CUBN: variants seen among roughly 807,000 people sequenced by gnomAD.
CUBN encodes the protein 460 kDa receptor.
In CUBN, 282 loss-of-function variants were observed where a neutral mutation model predicts 405.3. That is an observed-to-expected ratio of 0.70 (90% CI 0.63 to 0.77). The LOEUF (loss-of-function observed/expected upper bound fraction) is 0.77. CUBN is among the 30% of genes least tolerant of loss of function. The probability of loss-of-function intolerance (pLI) is 0.00; values close to 1 mark genes in which losing one functional copy is unlikely to be tolerated. For missense variants in CUBN, 4,514 were observed against 4,475.2 expected, an observed-to-expected ratio of 1.01 and a Z score of -0.25; for synonymous variants, 1,684 against 1,617.0, an observed-to-expected ratio of 1.04 and a Z score of -0.99.
chr10:17,027,418 C>T (rs372639533), intron 27 of CUBN, among the ~76,000 whole-genome samples: 1 of 151,782 alleles, frequency 6.6e-6, no homozygotes, highest in East Asian at 1.9e-4. Context: ...TAATCTCCTT[C>T]GAATATTAAA....
intron 56 of CUBN, among the ~76,000 whole-genome samples, chr10:16,882,692 T>C (rs1173071524): frequency 6.6e-6 from 1 of 152,140 alleles, no homozygotes; most frequent in African/African-American, 2.4e-5. Flanking sequence ...ATGTTGTAGA[T>C]AAGATCAAGT....
chr10:17,071,482 TGAG>T lies in CUBN; in HGVS notation c.2566_2568del (p.Leu856del). The stretch of plus-strand genomic sequence containing the variant: ...CTTCCAATTTCAAAGACAGTGAAGT[TGAG>T]GAGAATGACTTGGCTTTGGGGCTGG... On this transcript the variant is annotated inframe_deletion, in exon 19 of 67. Coordinates refer to ENST00000377833, the MANE Select transcript of CUBN (RefSeq NM_001081.4). 6.2e-7 allele frequency: 1 copy of T among 1,614,018 alleles called. No homozygotes were observed. Among genetic ancestry groups the T allele is most frequent in the Non-Finnish European group, 8.5e-7 (1 of 1,179,950 alleles).
intron 32 of CUBN, among the ~76,000 whole-genome samples, chr10:16,953,772 G>C (rs1842978670): frequency 6.6e-6 from 1 of 151,986 alleles, no homozygotes; most frequent in African/African-American, 2.4e-5. Flanking sequence ...GATTGCCTGA[G>C]CCTGGGAGGT....
intron 15 of CUBN, among the ~76,000 whole-genome samples, chr10:17,087,506 C>T (rs1458309681): frequency 2.1e-5 from 2 of 96,478 alleles, no homozygotes; most frequent in African/African-American, 8.0e-5. Context: ...GACAGAGCCT[C>T]ACTCTGTCAC....
At chr10:16,900,871 T>C (rs756191894) in intron 52 of CUBN, 21 bp from the exon 53 acceptor site, 1 of 1,515,630 alleles carries the variant, frequency 6.6e-7, no homozygotes, top group Admixed American at 1.8e-5. Context: ...AAAAAGAAAA[T>C]GGTTGTCAGT....
chr10:16,835,161 G>T lies in CUBN; in HGVS notation c.10215C>A (p.Asn3405Lys), dbSNP rs373977491. Residue 3405 changes from asparagine to lysine, a missense_variant, in exon 64 of 67, where the codon AAC becomes AAA. Asn to Lys is a moderately conservative substitution (Grantham distance 94). Coordinates refer to ENST00000377833, the MANE Select transcript of CUBN (RefSeq NM_001081.4). ...CNRDYHKAFG[N>K]LRSPGWPDNY... ...TATCTGGCCATCCAGGGCTTCTCAG[G>T]TTGCCAAATGCCTTGTGATAGTCTC... 2.5e-6 allele frequency: 4 copies of T among 1,613,982 alleles called. No homozygotes were observed. Among genetic ancestry groups the T allele is most frequent in the Non-Finnish European group, 2.5e-6 (3 of 1,180,006 alleles).
intron 17 of CUBN, among the ~76,000 whole-genome samples, chr10:17,072,371 A>C (rs907620123): frequency 6.6e-6 from 1 of 152,172 alleles, no homozygotes; most frequent in Admixed American, 6.5e-5. Flanking sequence ...CATTGAAAGA[A>C]AAAAGGAAAA....
At chr10:17,124,021 C>T (rs1002247239) in intron 4 of CUBN, among the ~76,000 whole-genome samples, 1 of 152,152 alleles carries the variant, frequency 6.6e-6, no homozygotes, top group African/African-American at 2.4e-5. Context: ...GTAAAGGTTT[C>T]AGGTGTGGAA....
intron 7 of CUBN, 139 bp downstream of exon 7, chr10:17,115,332 G>A (rs1836867956): frequency 1.5e-5 from 14 of 951,114 alleles, no homozygotes; most frequent in African/African-American, 4.9e-5. Context: ...TCCCCTCCTC[G>A]CCTATGTCCT....
chr10:16,867,439 G>A (rs1840220243), intron 59 of CUBN, among the ~76,000 whole-genome samples: 1 of 152,134 alleles, frequency 6.6e-6, no homozygotes, highest in South Asian at 2.1e-4. Context: ...AAGTTATGCA[G>A]AATGATCAAT....
intron 9 of CUBN, 46 bp from the exon 10 acceptor site, chr10:17,109,781 T>C: frequency 6.8e-7 from 1 of 1,465,458 alleles, no homozygotes; most frequent in Non-Finnish European, 9.6e-7. Context: ...GTCAAGAAGA[T>C]GGGAGGACAA....
chr10:17,059,810 T>C (rs1171369844), intron 22 of CUBN, among the ~76,000 whole-genome samples: 3 of 152,214 alleles, frequency 2.0e-5, no homozygotes, highest in Non-Finnish European at 4.4e-5. Flanking sequence ...CAGATTCATA[T>C]AGAAATAAGC....
chr10:17,068,037 TAAAC>T (rs747559747), intron 21 of CUBN, 23 bp downstream of exon 21: 19 of 1,568,382 alleles, frequency 1.2e-5, no homozygotes, highest in Middle Eastern at 1.7e-4. Context: ...GTTTTATTGT[TAAAC>T]AAACAAACAA....
intron 59 of CUBN, among the ~76,000 whole-genome samples, chr10:16,867,548 T>C (rs547361334): frequency 6.6e-6 from 1 of 152,340 alleles, no homozygotes; most frequent in African/African-American, 2.4e-5. Context: ...CAAAGAGTAG[T>C]TACAATGACT....
intron 27 of CUBN, among the ~76,000 whole-genome samples, chr10:17,033,005 C>T (rs753627648): frequency 1.3e-5 from 2 of 152,300 alleles, no homozygotes; most frequent in East Asian, 1.9e-4. Flanking sequence ...AGTTCTCTCT[C>T]CCTTGGCCTA....
rs547435734 is a variant in CUBN at position 16,865,942 on chromosome 10, A to T, written c.9454+3694T>A. ...ATTCTTGAAGTCAGTGAGACCACAA[A>T]CCCACCAGAAGGAACCAACTCCAGA... On this transcript the variant is annotated intron_variant, in intron 59 of 66. Transcript: ENST00000377833. 3.0e-4 allele frequency among the ~76,000 whole-genome samples: 45 copies of T among 152,200 alleles called. 1 individual carries two copies. The South Asian group carries it at 9.3e-3, about 32-fold the overall frequency.
intron 41 of CUBN, among the ~76,000 whole-genome samples, chr10:16,926,301 T>C (rs1176290208): frequency 6.6e-6 from 1 of 152,040 alleles, no homozygotes; most frequent in Non-Finnish European, 1.5e-5. Flanking sequence ...TCAGAATGGA[T>C]GAGGCAGAAT....
chr10:16,844,269 C>CAAAA (rs374730071), intron 60 of CUBN, among the ~76,000 whole-genome samples: 16 of 132,292 alleles, frequency 1.2e-4, no homozygotes, highest in African/African-American at 4.9e-4. Context: ...AACTCTGTCC[C>CAAAA]CAAAAAAAAA....
At chr10:17,109,217 T>C (rs575196215) in intron 10 of CUBN, among the ~76,000 whole-genome samples, 1 of 152,318 alleles carries the variant, frequency 6.6e-6, no homozygotes, top group South Asian at 2.1e-4. Context: ...TATTTTCTAC[T>C]TCCTTCTTTC....
Sources: allele counts gnomAD v4.1 joint callset (sites outside exome capture counted in the v4.1 genomes callset), GRCh38; gene constraint gnomAD v4.1.1; transcripts MANE v1.5; gene names NCBI Gene and HGNC (gene_info 2026-07-23, HGNC 2026-07-21).